Variants in BORCS5 observed in about 807,000 individuals in gnomAD.
The protein encoded by BORCS5 is BLOC-1 related complex subunit 5.
Under a neutral mutation model 22.1 loss-of-function variants are expected in BORCS5, and 17 were observed. That is an observed-to-expected ratio of 0.77 (90% CI 0.53 to 1.15). The LOEUF (loss-of-function observed/expected upper bound fraction) is 1.15, where lower values mean the gene tolerates loss of function less well. BORCS5 is among the 50% of genes most tolerant of loss of function. The probability of loss-of-function intolerance (pLI) is 0.00; values close to 1 mark genes in which losing one functional copy is unlikely to be tolerated. For synonymous variants in BORCS5, 117 were observed against 99.8 expected (o/e 1.17, Z -1.03); for missense variants, 247 against 253.2 (o/e 0.98, Z 0.17).
intron 2 of BORCS5, among the ~76,000 whole-genome samples, chr12:12,390,509 G>A (rs530671100): frequency 1.1e-4 from 17 of 152,128 alleles, no homozygotes; most frequent in African/African-American, 1.7e-4. Flanking sequence ...TCAGAAAGCC[G>A]GGGGTGGTGG....
intron 2 of BORCS5, among the ~76,000 whole-genome samples, chr12:12,394,285 C>T (rs1223273640): frequency 6.6e-6 from 1 of 151,890 alleles, no homozygotes; most frequent in African/African-American, 2.4e-5. Context: ...GAGATCATGC[C>T]ACTGCACCCC....
At chr12:12,406,796 C>CTT (rs34160263) in intron 2 of BORCS5, among the ~76,000 whole-genome samples, 35 of 148,640 alleles carry the variant, frequency 2.4e-4, no homozygotes, top group Middle Eastern at 3.4e-3. Context: ...TGTTAAACAC[C>CTT]TTTTTTTTTT....
At chr12:12,432,253 C>T (rs1010801850) in intron 2 of BORCS5, among the ~76,000 whole-genome samples, 3 of 152,106 alleles carry the variant, frequency 2.0e-5, no homozygotes, top group Non-Finnish European at 2.9e-5. Context: ...GGCACAAAAT[C>T]GTTCATTCCT....
intron 2 of BORCS5, among the ~76,000 whole-genome samples, chr12:12,394,368 C>T (rs1941279557): frequency 6.6e-6 from 1 of 151,870 alleles, no homozygotes; most frequent in African/African-American, 2.4e-5. Context: ...GCCTCTGAGG[C>T]AGTCTGAAGG....
intron 3 of BORCS5, among the ~76,000 whole-genome samples, chr12:12,438,608 A>G (rs1010908838): frequency 8.5e-5 from 13 of 152,066 alleles, no homozygotes; most frequent in African/African-American, 2.9e-4. Flanking sequence ...TTTTCCTCCA[A>G]TATATATGAT....
intron 2 of BORCS5, among the ~76,000 whole-genome samples, chr12:12,409,188 G>A (rs945161218): frequency 6.6e-6 from 1 of 151,820 alleles, no homozygotes; most frequent in African/African-American, 2.4e-5. Flanking sequence ...GATTAGGGAT[G>A]TCAGGAATTC....
chr12:12,417,727 C>T (rs1388937219), intron 2 of BORCS5, among the ~76,000 whole-genome samples: 1 of 152,108 alleles, frequency 6.6e-6, no homozygotes, highest in Non-Finnish European at 1.5e-5. Context: ...GAGATCTTGG[C>T]TCACTGCAAC....
intron 3 of BORCS5, among the ~76,000 whole-genome samples, chr12:12,450,507 A>G (rs7961703): frequency 0.62 from 93,748 of 152,082 alleles, 30,190 homozygotes; most frequent in African/African-American, 0.8. Context: ...CTGGTAATTT[A>G]TTATTTTTTT....
chr12:12,388,349 A>C (rs745314287), intron 2 of BORCS5, among the ~76,000 whole-genome samples: 5 of 151,326 alleles, frequency 3.3e-5, no homozygotes, highest in Non-Finnish European at 5.9e-5. Flanking sequence ...TAATGATTCT[A>C]AGACCTGCCC....
In BORCS5 at chr12:12,357,090, G is replaced by T. The variant is rs763001034; in HGVS notation, c.-362G>T. The T allele has an allele frequency of 6.5e-6, 10 of 1,534,016 alleles. No homozygotes were observed. In the South Asian group the frequency reaches 1.2e-4, roughly 18 times the overall value. On this transcript the variant is annotated 5_prime_UTR_variant, in exon 1 of 4. Transcript: ENST00000314565. Reference sequence around the variant, plus strand: ...GCCGGCACCGCCCATCTGCGTCCCGGAAGGAGCGAGCTTGCGGAGCGTGAA... The same window carrying T: ...GCCGGCACCGCCCATCTGCGTCCCGTAAGGAGCGAGCTTGCGGAGCGTGAA...
rs1478006015 is a variant in BORCS5 at position 12,470,523 on chromosome 12, A to C, written c.*4747A>C. ...ATCTAGGTTTTGCGCTCCTTATGAGAATCTAATGCCTGATGATCTGAGATG... is the reference window on the plus strand; with the variant it reads ...ATCTAGGTTTTGCGCTCCTTATGAGCATCTAATGCCTGATGATCTGAGATG... On this transcript the variant is annotated 3_prime_UTR_variant, in exon 4 of 4. Coordinates refer to ENST00000314565, the MANE Select transcript of BORCS5 (RefSeq NM_058169.6). 6.6e-6 allele frequency among the ~76,000 whole-genome samples: 1 copy of C among 152,108 alleles called. No homozygotes were observed. Among genetic ancestry groups the C allele is most frequent in the Non-Finnish European group, 1.5e-5 (1 of 68,024 alleles).
intron 2 of BORCS5, among the ~76,000 whole-genome samples, chr12:12,416,727 A>G (rs531227025): frequency 1.3e-5 from 2 of 150,328 alleles, no homozygotes; most frequent in East Asian, 3.9e-4. Context: ...TACTGAGTAG[A>G]TGGGATTATA....
intron 2 of BORCS5, among the ~76,000 whole-genome samples, chr12:12,404,558 T>G (rs1241573418): frequency 6.6e-6 from 1 of 152,178 alleles, no homozygotes; most frequent in Non-Finnish European, 1.5e-5. Flanking sequence ...CCTATTACTG[T>G]CATTGGCAAC....
At chr12:12,416,041 G>A (rs1941941370) in intron 2 of BORCS5, among the ~76,000 whole-genome samples, 1 of 152,114 alleles carries the variant, frequency 6.6e-6, no homozygotes, top group South Asian at 2.1e-4. Flanking sequence ...ATGTGGCTTA[G>A]CCTTGGTAGG....
chr12:12,444,274 T>TAA (rs1942740319), intron 3 of BORCS5, among the ~76,000 whole-genome samples: 1 of 152,194 alleles, frequency 6.6e-6, no homozygotes, highest in Non-Finnish European at 1.5e-5. Flanking sequence ...CAAAGATGTG[T>TAA]AATGGATCAA....
In BORCS5 at chr12:12,469,991, T is replaced by A. The variant is rs1053996132; in HGVS notation, c.*4215T>A. On this transcript the variant is annotated 3_prime_UTR_variant, in exon 4 of 4. Transcript: ENST00000314565. ...GGTCTCCAAACCCCAGGCCACAGAC[T>A]GGTACCCATCTGTGGCGTGTGAGGA... 6.6e-6 allele frequency among the ~76,000 whole-genome samples: 1 copy of A among 152,192 alleles called. No homozygotes were observed. Among genetic ancestry groups the A allele is most frequent in the Non-Finnish European group, 1.5e-5 (1 of 68,042 alleles).
chr12:12,429,409 A>G (rs776105803), intron 2 of BORCS5, among the ~76,000 whole-genome samples: 1 of 151,980 alleles, frequency 6.6e-6, no homozygotes, highest in African/African-American at 2.4e-5. Flanking sequence ...CCATCTTCTT[A>G]TTTTCTCTGT....
At chr12:12,368,073 A>G (rs1358754579) in intron 2 of BORCS5, among the ~76,000 whole-genome samples, 1 of 152,198 alleles carries the variant, frequency 6.6e-6, no homozygotes, top group African/African-American at 2.4e-5. Flanking sequence ...CCATTTGGGA[A>G]GTTCCCCTGG....
chr12:12,400,543 G>C (rs1385755198), intron 2 of BORCS5, among the ~76,000 whole-genome samples: 1 of 149,378 alleles, frequency 6.7e-6, no homozygotes, highest in Non-Finnish European at 1.5e-5. Context: ...GAGATTATCA[G>C]CTGCTACCTA....
Sources: gnomAD v4.1 joint callset for allele counts (sites outside exome capture counted in the v4.1 genomes callset) on GRCh38, gnomAD v4.1.1 for gene constraint, MANE v1.5 for transcripts, NCBI Gene and HGNC (gene_info 2026-07-23, HGNC 2026-07-21) for gene names.